Variants in RBM20 observed in about 807,000 individuals in gnomAD.
RBM20 encodes RNA binding motif protein 20, also known as RNA-binding protein 20.
In RBM20, 51 loss-of-function variants were observed where a neutral mutation model predicts 110.1. The observed-to-expected ratio is 0.46, with a 90% CI of 0.37 to 0.59. The LOEUF is 0.59. Ranked by LOEUF, RBM20 falls within the 20% of genes least tolerant of loss-of-function variation. RBM20 has a pLI of 0.00. For synonymous variants in RBM20, 589 were observed against 618.2 expected, an observed-to-expected ratio of 0.95 and a Z score of 0.70; for missense variants, 1,512 against 1,574.9, an observed-to-expected ratio of 0.96 and a Z score of 0.68.
chr10:110,673,846 C>T (rs1000304168), intron 1 of RBM20, among the ~76,000 whole-genome samples: 1 of 152,122 alleles, frequency 6.6e-6, no homozygotes, highest in Non-Finnish European at 1.5e-5. Flanking sequence ...AGAGAGCCAT[C>T]AGAAATTGTT....
chr10:110,769,064 T>C (rs1195039945), intron 1 of RBM20, among the ~76,000 whole-genome samples: 1 of 152,190 alleles, frequency 6.6e-6, no homozygotes, highest in Admixed American at 6.5e-5. Context: ...CTTTTATAGA[T>C]TGGTAATTCT....
At position 110,821,834 on chromosome 10, in the gene RBM20, C is replaced by T. The variant is rs1844916943; in HGVS notation, c.3215C>T (p.Pro1072Leu). The T allele has an allele frequency of 6.4e-7, 1 of 1,551,632 alleles. No individual in the cohort carries two copies. Among genetic ancestry groups the T allele is most frequent in the African/African-American group, 1.4e-5 (1 of 73,060 alleles). Residue 1072 changes from proline to leucine, a missense_variant, in exon 11 of 14, where the codon CCC becomes CTC. By Grantham distance (98) the Pro-to-Leu change is moderately conservative. This residue lies in a region of RBM20 where 358 missense variants were observed against 384.2 expected (regional missense o/e 0.93). Coordinates refer to ENST00000369519, the MANE Select transcript of RBM20 (RefSeq NM_001134363.3). ...GATGATTGCAAGACCAGGGGGACCC[C>T]CGAAGATGGGGCTTGTGAAGGCAGC... ...FVDDCKTRGT[P>L]EDGACEGSPL...
At chr10:110,828,500 G>A (rs549604125) in intron 12 of RBM20, among the ~76,000 whole-genome samples, 13 of 152,298 alleles carry the variant, frequency 8.5e-5, no homozygotes, top group East Asian at 3.9e-4. Flanking sequence ...CTGTGGAGCC[G>A]GGTTCCCCAG....
At chr10:110,647,690 A>G (rs7070880) in intron 1 of RBM20, among the ~76,000 whole-genome samples, 27,530 of 152,180 alleles carry the variant, frequency 0.18, 3,307 homozygotes, top group African/African-American at 0.33. Context: ...TGAATGTTTT[A>G]TAAGGATTTA....
chr10:110,815,591 A>T (rs1844827601), intron 9 of RBM20, among the ~76,000 whole-genome samples: 1 of 152,166 alleles, frequency 6.6e-6, no homozygotes, highest in East Asian at 1.9e-4. Flanking sequence ...CTTCATGTGG[A>T]TACCACCAGC....
chr10:110,653,646 T>G (rs905834946), intron 1 of RBM20, among the ~76,000 whole-genome samples: 2 of 152,024 alleles, frequency 1.3e-5, no homozygotes, highest in African/African-American at 4.8e-5. Context: ...AGCCTTGACC[T>G]CCCTGGCTCA....
chr10:110,644,761 G>C lies in RBM20; in HGVS notation c.191+116G>C. 1 of 790,658 alleles carries C rather than the reference G, an allele frequency of 1.3e-6. No individual in the cohort carries two copies. Among genetic ancestry groups the C allele is most frequent in the South Asian group, 2.1e-5 (1 of 48,488 alleles). The allele number at this position is 790,658 out of a possible 1,614,324, so 49.0% of individuals were successfully genotyped here. On this transcript the variant is annotated intron_variant, in intron 1 of 13. Transcript: ENST00000369519. This position sits in a 1 kb window ranked among gnomAD's most constrained non-coding sequence, Gnocchi z 4.3. ...AACTTCGCTCGCCCCCCTTGGGTTT[G>C]AAGTTTTCTCGTACCCCCTCTGGGC...
chr10:110,736,099 A>G (rs1843667963), intron 1 of RBM20, among the ~76,000 whole-genome samples: 1 of 152,374 alleles, frequency 6.6e-6, no homozygotes, highest in Admixed American at 6.5e-5. Context: ...GAGATGAAAC[A>G]CAATTTTTTG....
In RBM20 at chr10:110,720,061, T is replaced by C. The variant is rs114260377; in HGVS notation, c.192-60740T>C. ...AAGGAGCGCCCTGGCGGTGATCTTT[T>C]TTATAAGGGCACTAATCCCAGTTAT... On this transcript the variant is annotated intron_variant, in intron 1 of 13. Transcript: ENST00000369519. Among the ~76,000 whole-genome samples the C allele has an allele frequency of 3.9e-3, 587 of 152,224 alleles. 5 individuals carry two copies. The highest frequency in any genetic ancestry group is 0.013 in the African/African-American group (548 of 41,528).
At chr10:110,788,793 G>A (rs1844450620) in intron 5 of RBM20, among the ~76,000 whole-genome samples, 3 of 152,148 alleles carry the variant, frequency 2.0e-5, no homozygotes, top group Non-Finnish European at 4.4e-5. Context: ...TACAAACACT[G>A]ACCTCCAAAG....
rs1845047518 is a variant in RBM20 at position 110,831,190 on chromosome 10, T to C, written c.3573+8T>C. The C allele has an allele frequency of 6.4e-7, 1 of 1,550,390 alleles. No individual in the cohort carries two copies. The highest frequency in any genetic ancestry group is 8.7e-7 in the Non-Finnish European group (1 of 1,146,168). Reference sequence around the variant, plus strand: ...CACTACAGGAACTTACAGGTAAAAATCCACTCTCCTTGCCCAGCATGCCAG... The same window carrying C: ...CACTACAGGAACTTACAGGTAAAAACCCACTCTCCTTGCCCAGCATGCCAG... On this transcript the variant is annotated splice_region_variant and intron_variant, in intron 13 of 13. Coordinates refer to ENST00000369519, the MANE Select transcript of RBM20 (RefSeq NM_001134363.3).
chr10:110,819,303 T>C (rs966623893), intron 9 of RBM20, among the ~76,000 whole-genome samples: 4 of 152,268 alleles, frequency 2.6e-5, no homozygotes, highest in African/African-American at 7.2e-5. Flanking sequence ...GGATTTTATG[T>C]AGGCACTTCT....
chr10:110,831,679 A>C (rs57938587), intron 13 of RBM20, among the ~76,000 whole-genome samples: 12 of 144,846 alleles, frequency 8.3e-5, no homozygotes, highest in Middle Eastern at 3.4e-3. Flanking sequence ...AAAAAAAAAA[A>C]AAAAAAAAAA....
chr10:110,698,597 C>T (rs559759436), intron 1 of RBM20, among the ~76,000 whole-genome samples: 12 of 152,186 alleles, frequency 7.9e-5, no homozygotes, highest in African/African-American at 2.9e-4. Context: ...ACAGAGTGTC[C>T]CTTGGGGTGG....
chr10:110,694,232 G>A (rs1446699650), intron 1 of RBM20, among the ~76,000 whole-genome samples: 1 of 152,214 alleles, frequency 6.6e-6, no homozygotes, highest in Non-Finnish European at 1.5e-5. Context: ...TGCTTTGGGA[G>A]AACCAATGAA....
intron 5 of RBM20, among the ~76,000 whole-genome samples, chr10:110,785,237 T>A (rs567463321): frequency 6.6e-6 from 1 of 152,320 alleles, no homozygotes; most frequent in East Asian, 1.9e-4. Flanking sequence ...TTAACACTTT[T>A]TTTAGTGGAG....
At chr10:110,652,998 CA>C (rs1227662059) in intron 1 of RBM20, among the ~76,000 whole-genome samples, 1 of 152,162 alleles carries the variant, frequency 6.6e-6, no homozygotes, top group African/African-American at 2.4e-5. Context: ...TCCTGCCAAA[CA>C]GAAGCCAACC....
intron 1 of RBM20, among the ~76,000 whole-genome samples, chr10:110,687,779 A>G (rs2134870655): frequency 6.6e-6 from 1 of 152,326 alleles, no homozygotes; most frequent in South Asian, 2.1e-4. Flanking sequence ...CCATGTTAAC[A>G]TGTTTTGACT....
rs1291756505 is a variant in RBM20 at position 110,781,809 on chromosome 10, C to T, written c.1200C>T (p.Asn400=). 8.4e-6 allele frequency: 13 copies of T among 1,551,770 alleles called. No homozygotes were observed. The highest frequency in any genetic ancestry group is 4.1e-5 in the African/African-American group (3 of 73,174). ...SVRPLQAHEL[N]DFHGVAPLHL... ...GGCCCCTGCAGGCTCATGAGCTGAA[C>T]GACTTTCACGGTGTGGCCCCCCTCC... is the stretch of plus-strand genomic sequence containing the variant. The change falls in exon 2 of 14, where the codon AAC becomes AAT. Residue 400 remains asparagine (N), a synonymous_variant. Transcript: ENST00000369519.
Sources: gnomAD v4.1 joint callset for allele counts (sites outside exome capture counted in the v4.1 genomes callset) on GRCh38, gnomAD v4.1.1 for gene constraint, gnomAD v4.1.1 regional missense constraint, Gnocchi (gnomAD v3.1) non-coding constraint, MANE v1.5 for transcripts, NCBI Gene and HGNC (gene_info 2026-07-23, HGNC 2026-07-21) for gene names.